GRIK2: variants seen among roughly 807,000 people sequenced by gnomAD.
GRIK2 encodes the protein glutamate receptor ionotropic, kainate 2.
Under a neutral mutation model 100.3 loss-of-function variants are expected in GRIK2, and 32 were observed. That is an observed-to-expected ratio of 0.32 (90% confidence interval 0.24 to 0.43). The LOEUF (loss-of-function observed/expected upper bound fraction) is 0.43, where lower values mean the gene tolerates loss of function less well. GRIK2 is among the 20% of genes least tolerant of loss of function. GRIK2 has a pLI of 1.00. For synonymous variants in GRIK2, 417 were observed against 389.4 expected (o/e 1.07, Z -0.83); for missense variants, 843 against 1,114.9 (o/e 0.76, Z 3.47).
intron 2 of GRIK2, among the ~76,000 whole-genome samples, chr6:101,474,297 A>T (rs1055526356): frequency 6.6e-6 from 1 of 151,912 alleles, no homozygotes; most frequent in Admixed American, 6.6e-5. Flanking sequence ...TTACAGTTAG[A>T]AATGTCATAT....
At chr6:101,500,387 CTT>C (rs955004530) in intron 2 of GRIK2, among the ~76,000 whole-genome samples, 1 of 151,982 alleles carries the variant, frequency 6.6e-6, no homozygotes, top group African/African-American at 2.4e-5. Context: ...ATTGCTGAGA[CTT>C]AGAGTAATCT....
intron 7 of GRIK2, among the ~76,000 whole-genome samples, chr6:101,754,245 G>A (rs73512718): frequency 0.022 from 3,299 of 152,228 alleles, 105 homozygotes; most frequent in African/African-American, 0.073. Flanking sequence ...TTTTACAAAT[G>A]TTAAACACAA....
chr6:101,904,756 G>C (rs887239051), intron 12 of GRIK2, among the ~76,000 whole-genome samples: 1 of 151,426 alleles, frequency 6.6e-6, no homozygotes, highest in Admixed American at 6.6e-5. Context: ...ATTACCTTCT[G>C]TGGTAAAGGA....
intron 4 of GRIK2, among the ~76,000 whole-genome samples, chr6:101,630,327 A>C (rs1780665855): frequency 6.6e-6 from 1 of 152,102 alleles, no homozygotes; most frequent in South Asian, 2.1e-4. Context: ...TTACATTCCC[A>C]CCAAACTGTA....
intron 2 of GRIK2, chr6:101,430,858 G>C (rs2787566): frequency 1.8e-5 from 6 of 328,160 alleles, no homozygotes; most frequent in East Asian, 1.7e-4. Context: ...TTGATGTCGC[G>C]CACTATCTCC....
chr6:101,534,137 AT>A (rs35783548), intron 2 of GRIK2, among the ~76,000 whole-genome samples: 3,414 of 150,150 alleles, frequency 0.023, 98 homozygotes, highest in African/African-American at 0.065. Context: ...ACATAGTTTT[AT>A]TTTTTTTTTT....
intron 7 of GRIK2, among the ~76,000 whole-genome samples, chr6:101,695,217 G>T (rs1299863335): frequency 6.6e-6 from 1 of 151,962 alleles, no homozygotes; most frequent in African/African-American, 2.4e-5. Flanking sequence ...CTTCCAAGAC[G>T]GCACCCTCTT....
At chr6:101,795,274 C>T (rs1018405317) in intron 7 of GRIK2, among the ~76,000 whole-genome samples, 1 of 152,112 alleles carries the variant, frequency 6.6e-6, no homozygotes, top group African/African-American at 2.4e-5. Flanking sequence ...ATAGGGTTAG[C>T]AGTAGCATAG....
At chr6:101,641,849 C>A (rs1344263613) in intron 4 of GRIK2, among the ~76,000 whole-genome samples, 1 of 151,832 alleles carries the variant, frequency 6.6e-6, no homozygotes, top group Admixed American at 6.6e-5. Context: ...GTTTTCTCTG[C>A]CATTAAACAA....
At position 101,436,907 on chromosome 6, in the gene GRIK2, G is replaced by A. The variant is rs552860935; in HGVS notation, c.115+37515G>A. ...AATTTAAAATTATATTGTAAATTTC[G>A]TCTAAATTAAGATTAAAATGGCTCA... On this transcript the variant is annotated intron_variant, in intron 2 of 16. Transcript: ENST00000369134. Among the ~76,000 whole-genome samples, 140 of 150,782 alleles carry A rather than the reference G, an allele frequency of 9.3e-4. 1 individual carries two copies. Among genetic ancestry groups the A allele is most frequent in the Middle Eastern group, 3.5e-3 (1 of 288 alleles).
chr6:101,696,370 C>G (rs757645398), intron 7 of GRIK2, among the ~76,000 whole-genome samples: 3 of 151,702 alleles, frequency 2.0e-5, no homozygotes, highest in Non-Finnish European at 4.4e-5. Flanking sequence ...GTAGATATTT[C>G]CATTTCTTTT....
At chr6:101,602,717 C>T (rs534434792) in intron 2 of GRIK2, among the ~76,000 whole-genome samples, 2 of 151,646 alleles carry the variant, frequency 1.3e-5, no homozygotes, top group East Asian at 3.9e-4. Flanking sequence ...TTTGTACCTG[C>T]ACCCTTCCTT....
chr6:101,642,942 A>G (rs1265309553), intron 4 of GRIK2, among the ~76,000 whole-genome samples: 1 of 151,636 alleles, frequency 6.6e-6, no homozygotes, highest in African/African-American at 2.4e-5. Flanking sequence ...GGTGATATCT[A>G]ACTGTGGTTT....
chr6:101,580,692 A>G (rs1778040184), intron 2 of GRIK2, among the ~76,000 whole-genome samples: 1 of 152,050 alleles, frequency 6.6e-6, no homozygotes. Flanking sequence ...CTCTGCCCTA[A>G]GTTCCTACCA....
intron 12 of GRIK2, among the ~76,000 whole-genome samples, chr6:101,912,597 A>C (rs921009252): frequency 2.6e-5 from 4 of 151,522 alleles, no homozygotes. Flanking sequence ...AGGGGTGGGT[A>C]TTATTGTGCC....
intron 12 of GRIK2, among the ~76,000 whole-genome samples, chr6:101,910,469 G>C (rs1318942706): frequency 6.6e-6 from 1 of 151,140 alleles, no homozygotes; most frequent in East Asian, 1.9e-4. Context: ...AAAGTGAAAG[G>C]AGATAGAAGC....
chr6:101,478,338 G>T (rs1772353685), intron 2 of GRIK2, among the ~76,000 whole-genome samples: 1 of 151,524 alleles, frequency 6.6e-6, no homozygotes, highest in African/African-American at 2.4e-5. Context: ...TATAGTGAAG[G>T]TTTACTTTCC....
chr6:102,014,021 T>C (rs146628601), intron 14 of GRIK2, among the ~76,000 whole-genome samples: 26 of 152,306 alleles, frequency 1.7e-4, no homozygotes, highest in Admixed American at 3.9e-4. Flanking sequence ...CTCTTCTTTG[T>C]ACATCTAGTA....
intron 12 of GRIK2, chr6:101,891,439 C>T (rs1787081331): frequency 1.2e-5 from 4 of 324,152 alleles, no homozygotes; most frequent in Middle Eastern, 1.1e-3. Flanking sequence ...ATCGCTTGAA[C>T]CTGGGAGGTG....
Sources: allele counts gnomAD v4.1 joint callset (sites outside exome capture counted in the v4.1 genomes callset), GRCh38; gene constraint gnomAD v4.1.1; transcripts MANE v1.5; gene names NCBI Gene and HGNC (gene_info 2026-07-23, HGNC 2026-07-21).